Variants in HSPH1 observed in about 807,000 individuals in gnomAD.
HSPH1 encodes heat shock protein 105 kDa.
In HSPH1, 40 loss-of-function variants were observed where a neutral mutation model predicts 100.0. That is an observed-to-expected ratio of 0.40 (90% CI 0.31 to 0.52). The LOEUF (loss-of-function observed/expected upper bound fraction) is 0.52, where lower values mean the gene tolerates loss of function less well. Ranked by LOEUF, HSPH1 falls within the 20% of genes least tolerant of loss-of-function variation. The pLI is 0.54. For synonymous variants in HSPH1, 403 were observed against 344.0 expected (o/e 1.17, Z -1.90); for missense variants, 876 against 1,015.1 (o/e 0.86, Z 1.86).
In HSPH1 at chr13:31,150,999, G is replaced by T. The variant is rs748195237; in HGVS notation, c.856C>A (p.Leu286Met). Reference protein sequence around the residue: ...LMSSNSTDLPLNIECFMNDKD... With the variant: ...LMSSNSTDLPMNIECFMNDKD... ...TCATTCATAAAGCATTCGATATTCA[G>T]TGGAAGGTCTGTGCTGTTAGAGCTC... The change falls in exon 7 of 18, where the codon CTG (leucine) becomes ATG (methionine). Residue 286 changes from leucine to methionine, a missense_variant. Leu to Met is a conservative substitution (Grantham distance 15). Coordinates refer to ENST00000320027, the MANE Select transcript of HSPH1 (RefSeq NM_006644.4). 3 of 1,613,600 alleles carry T rather than the reference G, an allele frequency of 1.9e-6. No individual in the cohort carries two copies. Among genetic ancestry groups the T allele is most frequent in the Non-Finnish European group, 2.5e-6 (3 of 1,179,646 alleles).
At chr13:31,158,311 G>A (rs7319250) in intron 2 of HSPH1, among the ~76,000 whole-genome samples, 2,701 of 152,212 alleles carry the variant, frequency 0.018, 78 homozygotes, top group African/African-American at 0.062. Flanking sequence ...AGCACTTTGG[G>A]AGGCTGAGAC....
chr13:31,139,169 A>G, intron 14 of HSPH1, 62 bp from the exon 15 acceptor site: 3 of 1,059,618 alleles, frequency 2.8e-6, no homozygotes, highest in South Asian at 1.3e-5. Context: ...ACAACAAAAC[A>G]AAGAGGTATT....
At chr13:31,155,229 C>T (rs1956640240) in intron 3 of HSPH1, among the ~76,000 whole-genome samples, 1 of 152,184 alleles carries the variant, frequency 6.6e-6, no homozygotes, top group South Asian at 2.1e-4. Context: ...TTGTTTGATA[C>T]ATGAACACAA....
intron 1 of HSPH1, among the ~76,000 whole-genome samples, chr13:31,161,183 G>A (rs923111677): frequency 1.3e-5 from 2 of 152,150 alleles, no homozygotes; most frequent in African/African-American, 4.8e-5. Flanking sequence ...CCCCCAGTAG[G>A]TTTTGAAAAC....
rs755143028 is a variant in HSPH1, at chr13:31,148,395, T to C, written c.1223A>G (p.His408Arg). Residue 408 changes from histidine (H) to arginine (R), a missense_variant, in exon 9 of 18, where the codon CAT (histidine) becomes CGT (arginine). Transcript: ENST00000320027. ...ATACCCTTCAGTATCTTCTGAATCATGGTTCCAGATCAGAGATATTGGAAA... is the reference window on the plus strand; with the variant it reads ...ATACCCTTCAGTATCTTCTGAATCACGGTTCCAGATCAGAGATATTGGAAA... Reference protein sequence around the residue: ...VPFPISLIWNHDSEDTEGVHE... With the variant: ...VPFPISLIWNRDSEDTEGVHE... 15 of 1,567,178 alleles carry C rather than the reference T, an allele frequency of 9.6e-6. No individual in the cohort carries two copies. Among genetic ancestry groups the C allele is most frequent in the Non-Finnish European group, 1.3e-5 (15 of 1,147,736 alleles).
chr13:31,147,569 G>A lies in HSPH1; in HGVS notation c.1378+390C>T, dbSNP rs116661192. On this transcript the variant is annotated intron_variant, in intron 10 of 17. Coordinates refer to ENST00000320027, the MANE Select transcript of HSPH1 (RefSeq NM_006644.4). The stretch of plus-strand genomic sequence containing the variant: ...TAGATTCACAATGGTCGCTGACTCA[G>A]GTTTTAAATTAGAAGTAACAGACTG... Among the ~76,000 whole-genome samples, 1,472 of 152,132 alleles carry A rather than the reference G, an allele frequency of 9.7e-3. 21 individuals are homozygous for A. Among genetic ancestry groups the A allele is most frequent in the African/African-American group, 0.034 (1,416 of 41,508 alleles).
intron 5 of HSPH1, among the ~76,000 whole-genome samples, 189 bp downstream of exon 5, chr13:31,152,663 A>C (rs933951777): frequency 3.9e-5 from 6 of 152,214 alleles, no homozygotes; most frequent in African/African-American, 7.2e-5. Context: ...TAATGAAAGC[A>C]GATTCATAAG....
intron 4 of HSPH1, 35 bp downstream of exon 4, chr13:31,154,598 A>T (rs1019772051): frequency 1.2e-5 from 19 of 1,613,048 alleles, no homozygotes; most frequent in Non-Finnish European, 1.6e-5. Context: ...CGCAAAAATG[A>T]AATAAAACAC....
chr13:31,137,381 A>T lies in HSPH1; in HGVS notation c.2514T>A (p.Pro838=). ...LEDKNNFGAE[P]PHQNGECYPN... ...GGTAACATTCACCATTCTGATGTGG[A>T]GGTTCAGCACCAAAATTGTTTTTGT... is the stretch of plus-strand genomic sequence containing the variant. The change falls in exon 18 of 18, where the codon CCT becomes CCA. Residue 838 remains proline, a synonymous_variant. Coordinates refer to ENST00000320027, the MANE Select transcript of HSPH1 (RefSeq NM_006644.4). The T allele has an allele frequency of 1.2e-6, 2 of 1,613,450 alleles. No homozygotes were observed. Among genetic ancestry groups the T allele is most frequent in the Non-Finnish European group, 1.7e-6 (2 of 1,179,522 alleles).
At chr13:31,162,075 A>G (rs745966502), upstream of HSPH1, 1 of 1,536,126 alleles carries the variant, frequency 6.5e-7, no homozygotes. Flanking sequence ...CGGTCCCCGG[A>G]GAACGGCCGC....
intron 1 of HSPH1, 131 bp downstream of exon 1, chr13:31,161,345 C>G (rs1956901772): frequency 6.8e-7 from 1 of 1,460,876 alleles, no homozygotes; most frequent in Admixed American, 2.2e-5. Flanking sequence ...TCCCTAGTTC[C>G]ACGGAGGGGT....
At chr13:31,159,999 G>C (rs7995054) in intron 1 of HSPH1, among the ~76,000 whole-genome samples, 55,627 of 151,856 alleles carry the variant, frequency 0.37, 11,292 homozygotes, top group Non-Finnish European at 0.47. Flanking sequence ...ATTAGTAGCT[G>C]ATACAATAGA....
chr13:31,158,809 AT>A lies in HSPH1; in HGVS notation c.161del (p.Asn54IlefsTer34). The A allele has an allele frequency of 2.5e-6, 4 of 1,601,394 alleles. No individual in the cohort carries two copies. The highest frequency in any genetic ancestry group is 3.4e-6 in the Non-Finnish European group (4 of 1,168,592). On this transcript the variant is annotated frameshift_variant, in exon 2 of 18. Coordinates refer to ENST00000320027, the MANE Select transcript of HSPH1 (RefSeq NM_006644.4). LOFTEE classifies it high-confidence loss of function. ...CGAATTCTCTTAAAGAACATACCTG[AT>A]TTTTGGCTGCAACTCCGATTGTTCT... ...KNRTIGVAAK[N>X]QQITHANNTV...
At chr13:31,156,992 C>T (rs1321845160) in intron 2 of HSPH1, among the ~76,000 whole-genome samples, 1 of 152,154 alleles carries the variant, frequency 6.6e-6, no homozygotes, top group Non-Finnish European at 1.5e-5. Context: ...AGATTGAAAA[C>T]TAAGACTTCT....
Position 31,148,433 on chromosome 13 carries a change from T to C in HSPH1, c.1185A>G (p.Thr395=), listed in dbSNP as rs1290358057. The change falls in exon 9 of 18, where the codon ACA becomes ACG. Residue 395 remains threonine, a synonymous_variant. Coordinates refer to ENST00000320027, the MANE Select transcript of HSPH1 (RefSeq NM_006644.4). ...PAFKVREFSV[T]DAVPFPISLI... is the part of the protein sequence containing the mutation. ...GAGATATTGGAAAAGGAACTGCATC[T>C]GTGACGGAAAATTCTCTAACTTTAA... 1 of 1,579,994 alleles carries C rather than the reference T, an allele frequency of 6.3e-7. No individual in the cohort carries two copies. The highest frequency in any genetic ancestry group is 8.6e-7 in the Non-Finnish European group (1 of 1,167,516).
Position 31,161,841 on chromosome 13 carries a change from C to A in HSPH1, c.-259G>T. 1.4e-6 allele frequency: 2 copies of A among 1,476,928 alleles called. No individual in the cohort carries two copies. Among genetic ancestry groups the A allele is most frequent in the Non-Finnish European group, 1.8e-6 (2 of 1,115,464 alleles). 91.5% of individuals were successfully genotyped at this position (1,476,928 alleles called of 1,614,324 possible). On this transcript the variant is annotated 5_prime_UTR_variant, in exon 1 of 18. The change creates a new upstream start codon in the 5' untranslated region. Coordinates refer to ENST00000320027, the MANE Select transcript of HSPH1 (RefSeq NM_006644.4). ...TCAGCCTCCGCAGGTCGCTCCGCAC[C>A]TCGGGTTGCCTGCCTCACTCTGCCG...
chr13:31,158,842 T>C lies in HSPH1; in HGVS notation c.129A>G (p.Ser43=), dbSNP rs750909819. 2 of 1,599,828 alleles carry C rather than the reference T, an allele frequency of 1.3e-6. No homozygotes were observed. The highest frequency in any genetic ancestry group is 3.3e-5 in the Admixed American group (2 of 59,964). The change falls in exon 2 of 18, where the codon TCA becomes TCG. Residue 43 remains serine (S), a synonymous_variant. Transcript: ENST00000320027. ...RCTPSVISFG[S]KNRTIGVAAK... is the part of the protein sequence containing the mutation. ...CTGCAACTCCGATTGTTCTATTTTT[T>C]GATCCAAATGATATGACTGACCTAG...
At chr13:31,161,986 G>A, upstream of HSPH1, 1 of 1,536,046 alleles carries the variant, frequency 6.5e-7, no homozygotes, top group Non-Finnish European at 8.7e-7. Context: ...ACTCACCGGC[G>A]CCTCCACCGG....
chr13:31,141,379 A>G (rs2137547545), intron 12 of HSPH1, 120 bp from the exon 13 acceptor site: 1 of 807,532 alleles, frequency 1.2e-6, no homozygotes, highest in East Asian at 2.6e-5. Context: ...AAAATCATAA[A>G]GTTGGAAGGA....
Sources: gnomAD v4.1 joint callset for allele counts (sites outside exome capture counted in the v4.1 genomes callset) on GRCh38, gnomAD v4.1.1 for gene constraint, MANE v1.5 for transcripts, NCBI Gene and HGNC (gene_info 2026-07-23, HGNC 2026-07-21) for gene names.